Variants in ADAM12 observed in about 807,000 individuals in gnomAD.
The protein encoded by ADAM12 is ADAM metallopeptidase domain 12.
ADAM12 carries 70 observed loss-of-function variants against 106.4 expected under a neutral mutation model. The ratio of observed to expected loss-of-function variants is 0.66; its 90% CI spans 0.54 to 0.80. The LOEUF (loss-of-function observed/expected upper bound fraction) is 0.80. ADAM12 is among the 30% of genes least tolerant of loss of function. The pLI, the probability that ADAM12 is intolerant of heterozygous loss-of-function variation, is 0.00. For synonymous variants in ADAM12, 420 were observed against 433.5 expected (o/e 0.97, Z 0.39); for missense variants, 1,010 against 1,171.9 (o/e 0.86, Z 2.02).
At chr10:126,383,397 T>C (rs1352483524) in intron 1 of ADAM12, among the ~76,000 whole-genome samples, 2 of 152,132 alleles carry the variant, frequency 1.3e-5, no homozygotes, top group African/African-American at 2.4e-5. Flanking sequence ...ATTCAGCTAA[T>C]AGCAGTTTCA....
At chr10:126,156,322 G>A (rs1413610800) in intron 3 of ADAM12, among the ~76,000 whole-genome samples, 3 of 152,258 alleles carry the variant, frequency 2.0e-5, no homozygotes, top group East Asian at 1.9e-4. Flanking sequence ...TAAGTCAAAC[G>A]GAAACACTTC....
chr10:126,286,750 TG>T (rs1316449984), intron 2 of ADAM12, among the ~76,000 whole-genome samples: 1 of 152,170 alleles, frequency 6.6e-6, no homozygotes, highest in African/African-American at 2.4e-5. Flanking sequence ...GTCCCTGGAT[TG>T]GGGCCTGTTT....
chr10:126,340,724 T>TG (rs1483304574), intron 1 of ADAM12, among the ~76,000 whole-genome samples: 3 of 151,574 alleles, frequency 2.0e-5, no homozygotes, highest in Admixed American at 6.6e-5. Flanking sequence ...TGGCCTGTTT[T>TG]TTTTTTTTTT....
At chr10:126,215,462 C>T (rs916915501) in intron 3 of ADAM12, among the ~76,000 whole-genome samples, 3 of 151,958 alleles carry the variant, frequency 2.0e-5, no homozygotes, top group Non-Finnish European at 2.9e-5. Context: ...CAGCTCAGGG[C>T]CCCCCCGAAA....
At chr10:126,123,755 C>A (rs1018783085) in intron 5 of ADAM12, among the ~76,000 whole-genome samples, 2 of 152,082 alleles carry the variant, frequency 1.3e-5, no homozygotes, top group African/African-American at 4.8e-5. Context: ...TCCCTTTGTG[C>A]AGTTTTGAGA....
chr10:126,055,001 C>T (rs1350828457), intron 14 of ADAM12, among the ~76,000 whole-genome samples: 1 of 152,152 alleles, frequency 6.6e-6, no homozygotes, highest in Non-Finnish European at 1.5e-5. Context: ...CAGGGCCTTA[C>T]ACATTAAGGG....
intron 1 of ADAM12, among the ~76,000 whole-genome samples, chr10:126,371,522 A>G (rs1856113736): frequency 6.6e-6 from 1 of 152,224 alleles, no homozygotes; most frequent in Admixed American, 6.5e-5. Flanking sequence ...GTAAATTGGG[A>G]AAACACCACC....
At chr10:126,138,405 C>T (rs555713387) in intron 4 of ADAM12, among the ~76,000 whole-genome samples, 19 of 152,146 alleles carry the variant, frequency 1.2e-4, no homozygotes, top group Middle Eastern at 3.4e-3. Context: ...GACAGAGCCT[C>T]GCTCTGTCAC....
intron 4 of ADAM12, among the ~76,000 whole-genome samples, chr10:126,144,960 C>T (rs891728314): frequency 2.6e-5 from 4 of 152,122 alleles, no homozygotes; most frequent in Non-Finnish European, 4.4e-5. Flanking sequence ...CTAACCTTGA[C>T]GTATCCTGTC....
At chr10:126,243,777 T>A (rs554698316) in intron 3 of ADAM12, among the ~76,000 whole-genome samples, 9 of 152,316 alleles carry the variant, frequency 5.9e-5, no homozygotes, top group African/African-American at 1.9e-4. Flanking sequence ...AAGCAGCTTC[T>A]GATGTCTTTC....
At chr10:126,155,991 T>C (rs1190560240) in intron 3 of ADAM12, among the ~76,000 whole-genome samples, 2 of 152,224 alleles carry the variant, frequency 1.3e-5, no homozygotes, top group African/African-American at 2.4e-5. Context: ...CAGAACTTCA[T>C]TAAAGATTGC....
chr10:126,136,177 C>T (rs1565086324), intron 4 of ADAM12, among the ~76,000 whole-genome samples: 2 of 152,120 alleles, frequency 1.3e-5, no homozygotes, highest in Non-Finnish European at 1.5e-5. Flanking sequence ...AAGTCTATCT[C>T]GGCAGGAAAG....
chr10:126,073,286 C>G (rs914661135), intron 11 of ADAM12, among the ~76,000 whole-genome samples: 19 of 152,164 alleles, frequency 1.2e-4, no homozygotes, highest in African/African-American at 4.3e-4. Flanking sequence ...TGGGGTTTCA[C>G]CATGTTGGCC....
chr10:126,353,210 T>C (rs1000203697), intron 1 of ADAM12, among the ~76,000 whole-genome samples: 3 of 152,208 alleles, frequency 2.0e-5, no homozygotes, highest in African/African-American at 7.2e-5. Context: ...CACAACCTCA[T>C]GGATGGATCA....
chr10:126,126,348 C>T (rs892844726), intron 5 of ADAM12, among the ~76,000 whole-genome samples: 11 of 152,110 alleles, frequency 7.2e-5, no homozygotes, highest in Middle Eastern at 3.2e-3. Flanking sequence ...CGGAATTCCT[C>T]GTGTGGTTTT....
At chr10:126,039,500 C>T (rs956159211) in intron 18 of ADAM12, 71 bp from the exon 19 acceptor site, 21 of 1,584,044 alleles carry the variant, frequency 1.3e-5, no homozygotes, top group Admixed American at 1.7e-5. Context: ...CAAGTTGTGA[C>T]GTTTATGGCA....
chr10:126,170,046 C>T (rs1413428720), intron 3 of ADAM12, among the ~76,000 whole-genome samples: 5 of 152,180 alleles, frequency 3.3e-5, no homozygotes, highest in Admixed American at 1.3e-4. Context: ...CCACCCAGCT[C>T]GGTGAAGAAC....
chr10:126,169,765 T>C (rs1957086561), intron 3 of ADAM12, among the ~76,000 whole-genome samples: 1 of 152,168 alleles, frequency 6.6e-6, no homozygotes, highest in Non-Finnish European at 1.5e-5. Context: ...TTTCCTTAAC[T>C]TCCAGAATTA....
At chr10:126,045,132 A>G (rs951239581) in intron 17 of ADAM12, among the ~76,000 whole-genome samples, 1 of 152,206 alleles carries the variant, frequency 6.6e-6, no homozygotes, top group African/African-American at 2.4e-5. Flanking sequence ...CTTGCCGGCC[A>G]TATTACCTTG....
Sources: gnomAD v4.1 joint callset for allele counts (sites outside exome capture counted in the v4.1 genomes callset) on GRCh38, gnomAD v4.1.1 for gene constraint, MANE v1.5 for transcripts, NCBI Gene and HGNC (gene_info 2026-07-23, HGNC 2026-07-21) for gene names.